The following PRKAG3 variants were observed in gnomAD, a reference collection of about 807,000 sequenced individuals.
The protein encoded by PRKAG3 is 5'-AMP-activated protein kinase subunit gamma-3.
In PRKAG3, 39 loss-of-function variants were observed where a neutral mutation model predicts 56.5. The observed-to-expected ratio is 0.69, with a 90% CI of 0.53 to 0.90. PRKAG3 has a LOEUF of 0.90. Ranked by LOEUF, PRKAG3 falls within the 40% of genes least tolerant of loss-of-function variation. The pLI, the probability that PRKAG3 is intolerant of heterozygous loss-of-function variation, is 0.00. For missense variants in PRKAG3, 628 were observed against 627.5 expected, an observed-to-expected ratio of 1.00 and a Z score of -0.01; for synonymous variants, 243 against 250.1, an observed-to-expected ratio of 0.97 and a Z score of 0.27.
chr2:218,824,685 T>A, intron 10 of PRKAG3, 109 bp from the exon 11 acceptor site: 1 of 969,100 alleles, frequency 1.0e-6, no homozygotes, highest in Non-Finnish European at 1.7e-6. Context: ...AGGGTGCCAC[T>A]ACCAGAACCC....
At chr2:218,824,405 C>G (rs756138576) in intron 11 of PRKAG3, 37 bp from the exon 12 acceptor site, 1 of 1,614,038 alleles carries the variant, frequency 6.2e-7, no homozygotes, top group Non-Finnish European at 8.5e-7. Context: ...CTAGTCACCC[C>G]CTTGCCTGGG....
chr2:218,828,394 TG>T (rs1943969020), intron 5 of PRKAG3, 124 bp downstream of exon 5: 2 of 1,052,934 alleles, frequency 1.9e-6, no homozygotes, highest in Admixed American at 2.6e-5. Context: ...TCCTCCACCC[TG>T]GCCCCTGGCT....
rs759796844 is a variant in PRKAG3 at position 218,830,911 on chromosome 2, G to C, written c.74-10C>G. On this transcript the variant is annotated splice_polypyrimidine_tract_variant and intron_variant, in intron 2 of 12. Transcript: ENST00000529249. ...TCTAGGAAGCTCATCTCTGGAAGGG[G>C]AATGGGGCCTGTTTGGTTAATAGGG... 1 of 1,613,214 alleles carries C rather than the reference G, an allele frequency of 6.2e-7. No homozygotes were observed. Among genetic ancestry groups the C allele is most frequent in the South Asian group, 1.1e-5 (1 of 91,034 alleles).
chr2:218,823,931 T>C, intron 12 of PRKAG3, 53 bp from the exon 13 acceptor site: 1 of 1,547,002 alleles, frequency 6.5e-7, no homozygotes, highest in Non-Finnish European at 8.9e-7. Context: ...CTACAGCAGC[T>C]ACTGAGGTTG....
Position 218,827,467 on chromosome 2 carries a change from C to T in PRKAG3, c.876-94G>A. ...AAAGGAGGGCAGGGCACCAAGGCTC[C>T]CTTGTCTGTGTGCCGCCTAGGATGA... On this transcript the variant is annotated intron_variant, in intron 8 of 12. Coordinates refer to ENST00000529249, the Ensembl canonical transcript of PRKAG3. This position sits in a 1 kb window ranked among gnomAD's most constrained non-coding sequence, Gnocchi z 5.3. 1 of 1,605,334 alleles carries T rather than the reference C, an allele frequency of 6.2e-7. No individual in the cohort carries two copies.
Position 218,827,249 on chromosome 2 carries a change from AGATGTG to A in PRKAG3, c.994_999del (p.His332_Ile333del). On this transcript the variant is annotated inframe_deletion, in exon 9 of 13. Transcript: ENST00000529249. This position sits in a 1 kb window ranked among gnomAD's most constrained non-coding sequence, Gnocchi z 5.3. ...CTCCCACCTGGGCCCAGGCTTACAA[AGATGTG>A]CAGGAACTTGAGCAGGCGTTTGTGT... is the stretch of plus-strand genomic sequence containing the variant. 6.2e-7 allele frequency: 1 copy of A among 1,614,144 alleles called. No individual in the cohort carries two copies. The highest frequency in any genetic ancestry group is 8.5e-7 in the Non-Finnish European group (1 of 1,180,016).
Position 218,827,213 on chromosome 2 carries a change from T to TCTC in PRKAG3, c.1002+31_1002+33dup. 1 of 1,613,852 alleles carries TCTC rather than the reference T, an allele frequency of 6.2e-7. No homozygotes were observed. The highest frequency in any genetic ancestry group is 8.5e-7 in the Non-Finnish European group (1 of 1,179,928). On this transcript the variant is annotated intron_variant, in intron 9 of 12. Transcript: ENST00000529249. The surrounding 1 kb of genome is among the most constrained non-coding windows in gnomAD (Gnocchi z 5.3). ...CAGGCCCTCTGATCACCTGCCCAGG[T>TCTC]CTCCCCCTTCCTCCCACCTGGGCCC... is the stretch of plus-strand genomic sequence containing the variant.
At chr2:218,828,451 C>T in intron 5 of PRKAG3, 68 bp downstream of exon 5, 1 of 1,465,688 alleles carries the variant, frequency 6.8e-7, no homozygotes, top group Non-Finnish European at 9.3e-7. Context: ...AGATCAGCCC[C>T]AGAACAACCG....
intron 10 of PRKAG3, chr2:218,826,667 A>G (rs1000936): frequency 0.055 from 27,148 of 490,492 alleles, 5,675 homozygotes; most frequent in African/African-American, 0.46. Context: ...GCCCATTTTC[A>G]TGCACATAAC....
chr2:218,826,995 G>A (rs529257029), exon 10 of PRKAG3: 1 of 1,614,172 alleles, frequency 6.2e-7, no homozygotes, highest in East Asian at 2.2e-5. Context: ...CAGTCAGGAT[G>A]GGTGCTGTCT....
chr2:218,826,720 A>G, intron 10 of PRKAG3: 1 of 619,634 alleles, frequency 1.6e-6, no homozygotes, highest in East Asian at 2.9e-5. Flanking sequence ...AGTGTTGTGA[A>G]GAATCCCATT....
At chr2:218,824,227 C>T in exon 12 of PRKAG3, 1 of 1,614,084 alleles carries the variant, frequency 6.2e-7, no homozygotes. Flanking sequence ...GGTACCTGCT[C>T]CCGAGCAATC....
Position 218,830,478 on chromosome 2 carries a change from C to A in PRKAG3, c.230-97G>T. The A allele has an allele frequency of 2.1e-6, 3 of 1,460,450 alleles. No individual in the cohort carries two copies. The Admixed American group carries it at 6.0e-5, about 29-fold the overall frequency. 90.5% of individuals were successfully genotyped at this position (1,460,450 alleles called of 1,614,324 possible). ...TCATCTCACAGCAGCAGTGGGAAGC[C>A]TGGATGCTGTGGCCCTATTTGCAGG... On this transcript the variant is annotated intron_variant, in intron 3 of 12. Coordinates refer to ENST00000529249, the Ensembl canonical transcript of PRKAG3.
At chr2:218,830,258 G>T (rs1559399150) in exon 4 of PRKAG3, 6 of 1,613,976 alleles carry the variant, frequency 3.7e-6, no homozygotes, top group Non-Finnish European at 5.1e-6. Flanking sequence ...ACAGTCAGAG[G>T]GGAGGCAGTC....
At position 218,827,382 on chromosome 2, in the gene PRKAG3, A is replaced by T; in HGVS notation, c.876-9T>A. ...AGACAGCTTCAAACAGGCTGCAGAG[A>T]TGGGAGCAGTGAGCCTCGGGGCAGC... On this transcript the variant is annotated splice_polypyrimidine_tract_variant and intron_variant, in intron 8 of 12. Coordinates refer to ENST00000529249, the Ensembl canonical transcript of PRKAG3. The surrounding 1 kb of genome is among the most constrained non-coding windows in gnomAD (Gnocchi z 5.3). 6.2e-7 allele frequency: 1 copy of T among 1,614,060 alleles called. No homozygotes were observed. Among genetic ancestry groups the T allele is most frequent in the Non-Finnish European group, 8.5e-7 (1 of 1,179,990 alleles).
Position 218,827,263 on chromosome 2 carries a change from T to C in PRKAG3, c.986A>G (p.Lys329Arg). 1 of 1,614,168 alleles carries C rather than the reference T, an allele frequency of 6.2e-7. No individual in the cohort carries two copies. Among genetic ancestry groups the C allele is most frequent in the Non-Finnish European group, 8.5e-7 (1 of 1,180,030 alleles). ...CAGGCTTACAAAGATGTGCAGGAAC[T>C]TGAGCAGGCGTTTGTGTGTGAGGAT... is the stretch of plus-strand genomic sequence containing the variant. Residue 329 changes from lysine (K) to arginine (R), a missense_variant, in exon 9 of 13, where the codon AAG becomes AGG. Physicochemically the swap from Lys to Arg is conservative, Grantham distance 26. Coordinates refer to ENST00000529249, the Ensembl canonical transcript of PRKAG3. This position sits in a 1 kb window ranked among gnomAD's most constrained non-coding sequence, Gnocchi z 5.3.
intron 10 of PRKAG3, 73 bp from the exon 11 acceptor site, chr2:218,824,649 G>T: frequency 1.5e-6 from 2 of 1,370,378 alleles, no homozygotes; most frequent in Non-Finnish European, 2.1e-6. Flanking sequence ...GGGGTGCTGT[G>T]TAGAGGGCCT....
exon 4 of PRKAG3, chr2:218,830,234 G>A: frequency 6.2e-7 from 1 of 1,614,054 alleles, no homozygotes; most frequent in Non-Finnish European, 8.5e-7. Context: ...GCTGGAGCCT[G>A]CAGCTGAGGC....
intron 1 of PRKAG3, 28 bp from the exon 2 acceptor site, chr2:218,831,403 T>G: frequency 6.3e-7 from 1 of 1,581,610 alleles, no homozygotes; most frequent in Non-Finnish European, 8.6e-7. Context: ...TCTGAAGGAG[T>G]GGGGAAAGTG....
Sources: allele counts gnomAD v4.1 joint callset, GRCh38; gene constraint gnomAD v4.1.1; non-coding constraint Gnocchi (gnomAD v3.1); transcripts MANE v1.5; gene names NCBI Gene and HGNC (gene_info 2026-07-23, HGNC 2026-07-21).